EFCAB6: variants seen among roughly 807,000 people sequenced by gnomAD.
EFCAB6 encodes EF-hand calcium-binding domain-containing protein 6.
A neutral mutation model predicts 169.8 loss-of-function variants in EFCAB6; 156 were observed. That is an observed-to-expected ratio of 0.92 (90% confidence interval 0.81 to 1.05). EFCAB6 has a LOEUF of 1.05. EFCAB6 is among the 50% of genes least tolerant of loss of function. EFCAB6 has a pLI of 0.00. For missense variants in EFCAB6, 1,800 were observed against 1,829.1 expected, an observed-to-expected ratio of 0.98 and a Z score of 0.29; for synonymous variants, 698 against 676.4, an observed-to-expected ratio of 1.03 and a Z score of -0.50.
In EFCAB6 at chr22:43,580,540, A is replaced by G. The variant is rs750114313; in HGVS notation, c.3152T>C (p.Phe1051Ser). Residue 1051 changes from phenylalanine to serine, a missense_variant, in exon 25 of 32, where the codon TTT becomes TCT. Physicochemically the swap from Phe to Ser is radical, Grantham distance 155 (BLOSUM62 -2). Transcript: ENST00000262726. ...KEKEESMPIN[F>S]ATLNPQEAVR... ...AGCCTCCTGTGGATTCAGCGTTGCA[A>G]AATTGATTGGCATGCTCTCTTCTTT... The G allele has an allele frequency of 8.7e-6, 14 of 1,613,960 alleles. No homozygotes were observed. The Admixed American group carries it at 1.8e-4, about 21-fold the overall frequency.
intron 3 of EFCAB6, among the ~76,000 whole-genome samples, chr22:43,776,765 G>A (rs1359760920): frequency 6.6e-6 from 1 of 152,168 alleles, no homozygotes; most frequent in East Asian, 1.9e-4. Context: ...GGGAGGAAAA[G>A]GCCAGTCCAC....
intron 9 of EFCAB6, chr22:43,716,546 C>T (rs951339064): frequency 2.8e-6 from 1 of 351,016 alleles, no homozygotes; most frequent in Non-Finnish European, 5.1e-6. Context: ...GACCTCTTCA[C>T]TTATTCATGT....
chr22:43,593,178 C>G (rs542577652), intron 23 of EFCAB6, among the ~76,000 whole-genome samples: 3 of 152,110 alleles, frequency 2.0e-5, no homozygotes, highest in African/African-American at 7.2e-5. Context: ...TTTTACAAGC[C>G]GATATTTTTG....
intron 26 of EFCAB6, among the ~76,000 whole-genome samples, chr22:43,563,445 G>T (rs2049203313): frequency 6.6e-6 from 1 of 152,188 alleles, no homozygotes; most frequent in Non-Finnish European, 1.5e-5. Context: ...TGCACCTGTG[G>T]TCTTAGCTAC....
chr22:43,651,907 A>C (rs1181101370), intron 17 of EFCAB6, among the ~76,000 whole-genome samples: 2 of 152,106 alleles, frequency 1.3e-5, no homozygotes, highest in Non-Finnish European at 2.9e-5. Flanking sequence ...GTATTTACCC[A>C]ACACCTGTAC....
intron 17 of EFCAB6, among the ~76,000 whole-genome samples, chr22:43,639,988 GTTC>G (rs780144322): frequency 1.3e-5 from 2 of 151,950 alleles, no homozygotes; most frequent in South Asian, 2.1e-4. Flanking sequence ...TTTCCATATG[GTTC>G]TTCTTATAAT....
At chr22:43,619,416 C>A (rs2053972588) in intron 20 of EFCAB6, among the ~76,000 whole-genome samples, 1 of 152,092 alleles carries the variant, frequency 6.6e-6, no homozygotes, top group African/African-American at 2.4e-5. Context: ...ATCTAAGATA[C>A]AGTCCAAAGT....
chr22:43,609,788 C>A (rs1043870396), intron 21 of EFCAB6, among the ~76,000 whole-genome samples: 3 of 152,086 alleles, frequency 2.0e-5, no homozygotes, highest in Admixed American at 6.6e-5. Context: ...AGTTGCCTAC[C>A]AATTAATTAA....
Position 43,737,982 on chromosome 22 carries a change from TCG to T in EFCAB6, c.508-1991_508-1990del, listed in dbSNP as rs1187041078. Reference sequence around the variant, plus strand: ...CACACCATCACTCACACACATATATTCGCACATATATTCACACACACATGCAC... The same window carrying T: ...CACACCATCACTCACACACATATATTCACATATATTCACACACACATGCAC... On this transcript the variant is annotated intron_variant, in intron 6 of 31. Coordinates refer to ENST00000262726, the MANE Select transcript of EFCAB6 (RefSeq NM_022785.4). 6.3e-5 allele frequency among the ~76,000 whole-genome samples: 9 copies of T among 142,866 alleles called. No homozygotes were observed. In the South Asian group the frequency reaches 6.8e-4, roughly 11 times the overall value. The allele number at this position is 142,866 out of a possible 152,430, so 93.7% of individuals were successfully genotyped here. A position where few individuals can be genotyped will look rare whatever the true frequency, so the allele number is the denominator to read the frequency against.
chr22:43,546,863 A>G (rs2048085925), intron 27 of EFCAB6, among the ~76,000 whole-genome samples: 1 of 148,786 alleles, frequency 6.7e-6, no homozygotes, highest in Non-Finnish European at 1.5e-5. Context: ...ACAGAGTGAG[A>G]CTCTGTCTCA....
intron 9 of EFCAB6, chr22:43,716,607 T>G: frequency 2.4e-6 from 1 of 409,704 alleles, no homozygotes; most frequent in Non-Finnish European, 4.3e-6. Flanking sequence ...TATGTCTTAT[T>G]AGAGTTAGTA....
chr22:43,648,555 G>A (rs5764182), intron 17 of EFCAB6, among the ~76,000 whole-genome samples: 8 of 152,126 alleles, frequency 5.3e-5, no homozygotes, highest in Non-Finnish European at 1.2e-4. Context: ...GGGACTACTA[G>A]AGTGGGGAGG....
chr22:43,548,652 A>G (rs925236716), intron 27 of EFCAB6, among the ~76,000 whole-genome samples: 1 of 151,938 alleles, frequency 6.6e-6, no homozygotes, highest in Non-Finnish European at 1.5e-5. Flanking sequence ...ACGCACATAC[A>G]TATATTATAA....
intron 4 of EFCAB6, among the ~76,000 whole-genome samples, chr22:43,767,335 A>C (rs2061350704): frequency 6.6e-6 from 1 of 152,220 alleles, no homozygotes; most frequent in Admixed American, 6.5e-5. Flanking sequence ...TCCTGGAAAG[A>C]ATGCCTGTGA....
chr22:43,632,302 T>TC, intron 18 of EFCAB6, 64 bp from the exon 19 acceptor site: 63 of 1,151,300 alleles, frequency 5.5e-5, no homozygotes, highest in Non-Finnish European at 6.6e-5. Context: ...TTCTTTTTTT[T>TC]TTTTTTTTTT....
rs2059586323 is a variant in EFCAB6 at position 43,722,806 on chromosome 22, G to A, written c.758-5834C>T. On this transcript the variant is annotated intron_variant, in intron 8 of 31. Transcript: ENST00000262726. ...TAGCAAAGACATGGAATAAACATAG[G>A]TGCCCATCAGTGGTGGACTGGATAA... is the stretch of plus-strand genomic sequence containing the variant. 4.6e-5 allele frequency among the ~76,000 whole-genome samples: 7 copies of A among 152,142 alleles called. No homozygotes were observed. The South Asian group carries it at 1.4e-3, about 31-fold the overall frequency.
rs114034865 is a variant in EFCAB6, at chr22:43,564,109, C to T, written c.3421-9013G>A. ...TAGAACTACCCTGCCAGAGTCATTCCGGGAAAAGACAGGCATCTTCCAGGA... is the reference window on the plus strand; with the variant it reads ...TAGAACTACCCTGCCAGAGTCATTCTGGGAAAAGACAGGCATCTTCCAGGA... On this transcript the variant is annotated intron_variant, in intron 26 of 31. Transcript: ENST00000262726. Among the ~76,000 whole-genome samples the T allele has an allele frequency of 2.1e-3, 322 of 152,234 alleles. 2 individuals carry two copies. The highest frequency in any genetic ancestry group is 7.1e-3 in the African/African-American group (295 of 41,548).
At chr22:43,669,859 C>T (rs1234826199) in intron 15 of EFCAB6, among the ~76,000 whole-genome samples, 1 of 152,178 alleles carries the variant, frequency 6.6e-6, no homozygotes, top group African/African-American at 2.4e-5. Flanking sequence ...AACTAGTTTT[C>T]TGTTAACACT....
chr22:43,724,443 C>A (rs936721499), intron 8 of EFCAB6, among the ~76,000 whole-genome samples: 5 of 147,008 alleles, frequency 3.4e-5, no homozygotes, highest in Non-Finnish European at 5.9e-5. Flanking sequence ...TCTTGGCTTA[C>A]TGCAACCTCT....
Sources: gnomAD v4.1 joint callset for allele counts (sites outside exome capture counted in the v4.1 genomes callset) on GRCh38, gnomAD v4.1.1 for gene constraint, MANE v1.5 for transcripts, NCBI Gene and HGNC (gene_info 2026-07-23, HGNC 2026-07-21) for gene names.